ITGB6: variants seen among roughly 807,000 people sequenced by gnomAD.
The protein encoded by ITGB6 is integrin subunit beta 6, also known as integrin beta-6.
Under a neutral mutation model 84.5 loss-of-function variants are expected in ITGB6, and 80 were observed. That is an observed-to-expected ratio of 0.95 (90% CI 0.79 to 1.14). The LOEUF is 1.14. Ranked by LOEUF, ITGB6 falls within the 50% of genes most tolerant of loss-of-function variation. The pLI is 0.00. For missense variants in ITGB6, 1,006 were observed against 968.0 expected (o/e 1.04, Z -0.52); for synonymous variants, 383 against 354.9 (o/e 1.08, Z -0.89).
At chr2:160,160,348 A>T (rs570477579) in intron 7 of ITGB6, among the ~76,000 whole-genome samples, 1 of 152,356 alleles carries the variant, frequency 6.6e-6, no homozygotes, top group South Asian at 2.1e-4. Flanking sequence ...TGCTTACTTG[A>T]CATTCGAATT....
intron 10 of ITGB6, among the ~76,000 whole-genome samples, chr2:160,136,672 T>C (rs374653428): frequency 4.6e-5 from 7 of 152,104 alleles, no homozygotes; most frequent in South Asian, 2.1e-4. Context: ...CAATGATAGA[T>C]TGGATTAAGA....
intron 10 of ITGB6, among the ~76,000 whole-genome samples, chr2:160,127,745 C>A (rs192468184): frequency 6.6e-6 from 1 of 152,098 alleles, no homozygotes; most frequent in Non-Finnish European, 1.5e-5. Context: ...CCAGAAAGCA[C>A]GTAAAAGATA....
chr2:160,172,361 T>A (rs1166871287), intron 6 of ITGB6, among the ~76,000 whole-genome samples: 1 of 152,220 alleles, frequency 6.6e-6, no homozygotes, highest in East Asian at 1.9e-4. Flanking sequence ...ATAGCAGATC[T>A]AACTTCCCAC....
intron 4 of ITGB6, among the ~76,000 whole-genome samples, chr2:160,191,120 G>A (rs1321025277): frequency 1.3e-5 from 2 of 152,152 alleles, no homozygotes; most frequent in African/African-American, 2.4e-5. Context: ...ATAGTTAAGA[G>A]GTTGTTAGCA....
chr2:160,188,176 C>T (rs899794382), intron 4 of ITGB6, among the ~76,000 whole-genome samples: 2 of 152,098 alleles, frequency 1.3e-5, no homozygotes, highest in Admixed American at 1.3e-4. Context: ...CCTCTAATTG[C>T]CTTCCTACTA....
At chr2:160,138,618 C>A (rs555430237) in intron 8 of ITGB6, among the ~76,000 whole-genome samples, 1 of 152,278 alleles carries the variant, frequency 6.6e-6, no homozygotes, top group East Asian at 1.9e-4. Flanking sequence ...CAAAATTAAA[C>A]AACAGCTTCC....
chr2:160,132,592 T>G (rs1037533322), intron 10 of ITGB6, among the ~76,000 whole-genome samples: 1 of 152,144 alleles, frequency 6.6e-6, no homozygotes, highest in African/African-American at 2.4e-5. Flanking sequence ...GCTTACATAG[T>G]GTGAAGAACA....
chr2:160,173,629 C>CT (rs1439567859), intron 5 of ITGB6, among the ~76,000 whole-genome samples: 7 of 152,256 alleles, frequency 4.6e-5, no homozygotes, highest in Admixed American at 3.9e-4. Context: ...AGCATTTTAA[C>CT]TTTTTAAAAT....
chr2:160,145,551 G>C (rs1325340639), intron 7 of ITGB6, among the ~76,000 whole-genome samples: 1 of 152,190 alleles, frequency 6.6e-6, no homozygotes, highest in African/African-American at 2.4e-5. Context: ...CCGACAGAGA[G>C]CTATTTAGCA....
Position 160,137,724 on chromosome 2 carries a change from T to C in ITGB6, c.1370A>G (p.Gln457Arg), listed in dbSNP as rs1261992701. 6.2e-7 allele frequency: 1 copy of C among 1,614,244 alleles called. No homozygotes were observed. The highest frequency in any genetic ancestry group is 8.5e-7 in the Non-Finnish European group (1 of 1,180,040). ...GGAGCTGTTCACTTCCACTTCTTTC[T>C]GACAGTCGCAGTTGCATTCTGGGCT... Reference protein sequence around the residue: ...LVSPECNCDCQKEVEVNSSKC... With the variant: ...LVSPECNCDCRKEVEVNSSKC... Residue 457 changes from glutamine to arginine, a missense_variant, in exon 10 of 15, where the codon CAG (glutamine) becomes CGG (arginine). Transcript: ENST00000283249.
chr2:160,117,213 T>A (rs1446036647), intron 12 of ITGB6, among the ~76,000 whole-genome samples: 1 of 152,138 alleles, frequency 6.6e-6, no homozygotes, highest in Non-Finnish European at 1.5e-5. Flanking sequence ...GAATATACAT[T>A]TTTTTCAGCA....
chr2:160,157,256 TCA>T (rs796902396), intron 7 of ITGB6, among the ~76,000 whole-genome samples: 99 of 152,306 alleles, frequency 6.5e-4, no homozygotes, highest in African/African-American at 2.3e-3. Context: ...CCAAATAAGG[TCA>T]CATTCTGTGG....
rs1165687023 is a variant in ITGB6, at chr2:160,137,423, A to G, written c.1660+11T>C. On this transcript the variant is annotated intron_variant, in intron 10 of 14. Transcript: ENST00000283249. ...CAGCCACAGGGTAAGATGGATTTCAACATAGCCTACCTCCGCAGAGCAGCC... is the reference window on the plus strand; with the variant it reads ...CAGCCACAGGGTAAGATGGATTTCAGCATAGCCTACCTCCGCAGAGCAGCC... The G allele has an allele frequency of 6.3e-7, 1 of 1,595,310 alleles. No homozygotes were observed. Among genetic ancestry groups the G allele is most frequent in the Non-Finnish European group, 8.6e-7 (1 of 1,168,334 alleles).
intron 4 of ITGB6, among the ~76,000 whole-genome samples, chr2:160,180,372 C>A (rs1049861608): frequency 3.3e-5 from 5 of 152,168 alleles, no homozygotes; most frequent in Non-Finnish European, 7.3e-5. Flanking sequence ...GACTCAAACT[C>A]CAGGGCTTAA....
At chr2:160,108,440 G>C (rs1215598664) in intron 13 of ITGB6, among the ~76,000 whole-genome samples, 1 of 152,112 alleles carries the variant, frequency 6.6e-6, no homozygotes, top group Non-Finnish European at 1.5e-5. Context: ...CTGGTTTTGG[G>C]GAAGTTCCTA....
intron 6 of ITGB6, among the ~76,000 whole-genome samples, chr2:160,170,256 A>C (rs1205395754): frequency 6.6e-6 from 1 of 152,220 alleles, no homozygotes; most frequent in Admixed American, 6.5e-5. Flanking sequence ...GTACTACTGG[A>C]GTATTTTCAT....
chr2:160,183,675 G>A (rs183317342), intron 4 of ITGB6, among the ~76,000 whole-genome samples: 3 of 152,044 alleles, frequency 2.0e-5, no homozygotes, highest in East Asian at 1.9e-4. Context: ...ACCCCAAATC[G>A]ACAGAATATA....
intron 11 of ITGB6, among the ~76,000 whole-genome samples, chr2:160,125,663 TGCTGAA>T (rs1406413236): frequency 6.6e-6 from 1 of 152,212 alleles, no homozygotes; most frequent in East Asian, 1.9e-4. Flanking sequence ...AAATCTGAAA[TGCTGAA>T]GCATATTTGC....
At chr2:160,164,236 C>G (rs140667515) in intron 7 of ITGB6, among the ~76,000 whole-genome samples, 455 of 152,314 alleles carry the variant, frequency 3.0e-3, no homozygotes, top group Admixed American at 3.9e-3. Context: ...TCTCTATAGT[C>G]ACAAACTTTG....
Sources: gnomAD v4.1 joint callset for allele counts (sites outside exome capture counted in the v4.1 genomes callset) on GRCh38, gnomAD v4.1.1 for gene constraint, MANE v1.5 for transcripts, NCBI Gene and HGNC (gene_info 2026-07-23, HGNC 2026-07-21) for gene names.